Variants in IL3RA observed in about 807,000 individuals in gnomAD.
IL3RA encodes interleukin 3 receptor subunit alpha.
IL3RA carries 73 observed loss-of-function variants against 52.3 expected under a neutral mutation model. The ratio of observed to expected loss-of-function variants is 1.40; its 90% confidence interval spans 1.16 to 1.70. The LOEUF (loss-of-function observed/expected upper bound fraction) is 1.70. Ranked by LOEUF, IL3RA falls within the 40% of genes most tolerant of loss-of-function variation. The pLI, the probability that IL3RA is intolerant of heterozygous loss-of-function variation, is 0.00. For synonymous variants in IL3RA, 260 were observed against 194.0 expected (o/e 1.34, Z -2.83); for missense variants, 664 against 504.4 (o/e 1.32, Z -3.03).
chrX:1,355,617 C>A (rs1300634773), intron 6 of IL3RA, among the ~76,000 whole-genome samples: 1 of 149,186 alleles, frequency 6.7e-6, no homozygotes, highest in Non-Finnish European at 1.5e-5. Context: ...TGGAGGATGT[C>A]CTGGGCCACT....
intron 8 of IL3RA, among the ~76,000 whole-genome samples, chrX:1,362,281 TCCCTCTCTGTCTC>T (rs1195005127): frequency 2.0e-5 from 3 of 151,394 alleles, no homozygotes; most frequent in South Asian, 2.1e-4. Context: ...TTTTTCTCTT[TCCCTCTCTGTCTC>T]CCCTCTCTGT....
At chrX:1,366,702 G>T (rs1285245817) in intron 9 of IL3RA, among the ~76,000 whole-genome samples, 1 of 11,162 alleles carries the variant, frequency 9.0e-5, no homozygotes, top group Non-Finnish European at 1.4e-4. Flanking sequence ...CCGGGTGCGC[G>T]GGGTGAGCGG....
intron 6 of IL3RA, among the ~76,000 whole-genome samples, chrX:1,355,086 G>GAGA (rs2086564429): frequency 4.3e-5 from 3 of 69,018 alleles, no homozygotes; most frequent in South Asian, 6.2e-4. Context: ...GAAAAAGGAG[G>GAGA]GGCAGGAGGA....
At chrX:1,356,025 G>A (rs1449250174) in intron 6 of IL3RA, among the ~76,000 whole-genome samples, 196 bp from the exon 7 acceptor site, 3 of 152,022 alleles carry the variant, frequency 2.0e-5, no homozygotes, top group South Asian at 4.1e-4. Flanking sequence ...TCCTCCCAGT[G>A]CCCCCAACGC....
At chrX:1,362,808 C>G (rs2149097406) in intron 8 of IL3RA, among the ~76,000 whole-genome samples, 1 of 152,032 alleles carries the variant, frequency 6.6e-6, no homozygotes, top group East Asian at 1.9e-4. Context: ...CAGAGTCTCG[C>G]TCTGTCACCC....
Position 1,352,335 on chromosome X carries a change from T to C in IL3RA, c.445T>C (p.Tyr149His). The change falls in exon 6 of 12, where the codon TAC becomes CAC. Residue 149 changes from tyrosine to histidine, a missense_variant. Tyr to His is a moderately conservative substitution (Grantham distance 83). Transcript: ENST00000331035. ...YLNVANRRQQ[Y>H]ECLHYKTDAQ... ...CGCTTACCGCAGCAGGCGTCAACAG[T>C]ACGAGTGTCTTCACTACAAAACGGA... 6.2e-7 allele frequency: 1 copy of C among 1,613,844 alleles called. No individual in the cohort carries two copies. The highest frequency in any genetic ancestry group is 1.3e-5 in the African/African-American group (1 of 75,060).
chrX:1,362,498 C>G (rs372263114), intron 8 of IL3RA, among the ~76,000 whole-genome samples: 26 of 149,452 alleles, frequency 1.7e-4, no homozygotes, highest in African/African-American at 6.6e-4. Context: ...CCCACTATCT[C>G]TGTCTATGTC....
Position 1,348,467 on chromosome X carries a change from T to G in IL3RA, c.220T>G (p.Ser74Ala). ...NNSYCQFGAI[S>A]LCEVTNYTVR... ...TAGCTATTGCCAGTTTGGAGCAATT[T>G]CCTTATGTGAAGTGACCAACTACAC... Residue 74 changes from serine to alanine, a missense_variant, in exon 4 of 12, where the codon TCC (serine) becomes GCC (alanine). By Grantham distance (99) the Ser-to-Ala change is moderately conservative. Transcript: ENST00000331035. The G allele has an allele frequency of 6.2e-7, 1 of 1,613,900 alleles. No homozygotes were observed. Among genetic ancestry groups the G allele is most frequent in the Non-Finnish European group, 8.5e-7 (1 of 1,179,838 alleles).
chrX:1,368,436 T>G (rs1397926861), intron 9 of IL3RA, among the ~76,000 whole-genome samples: 1 of 150,578 alleles, frequency 6.6e-6, no homozygotes, highest in Non-Finnish European at 1.5e-5. Context: ...AATAGAAAAA[T>G]TAGGTCAGGT....
rs754323602 is a variant in IL3RA, at chrX:1,365,228, G to T, written c.850G>T (p.Ala284Ser). 1.8e-4 allele frequency: 293 copies of T among 1,610,764 alleles called. 3 individuals are homozygous for T. The South Asian group carries it at 3.0e-3, about 16-fold the overall frequency. The change falls in exon 9 of 12, where the codon GCC becomes TCC. Residue 284 changes from alanine to serine, a missense_variant. Ala to Ser is a moderately conservative substitution (Grantham distance 99, BLOSUM62 1). Coordinates refer to ENST00000331035, the MANE Select transcript of IL3RA (RefSeq NM_002183.4). ...ARERVYEFLSAWSTPQRFECD... is the reference protein window; with the variant it reads ...ARERVYEFLSSWSTPQRFECD... The stretch of plus-strand genomic sequence containing the variant: ...GGAAAGAGTGTATGAATTCTTGAGC[G>T]CCTGGAGCACCCCCCAGCGCTTCGG...
intron 4 of IL3RA, among the ~76,000 whole-genome samples, chrX:1,351,639 A>AT (rs1285299932): frequency 2.5e-5 from 3 of 122,410 alleles, no homozygotes; most frequent in Non-Finnish European, 5.1e-5. Context: ...TTGTTTTTTT[A>AT]TTTTTTTGAG....
chrX:1,344,729 T>C (rs780064490), intron 2 of IL3RA, among the ~76,000 whole-genome samples: 72 of 151,058 alleles, frequency 4.8e-4, no homozygotes, highest in South Asian at 3.6e-3. Context: ...GCTGAGATCG[T>C]GCCACTGCAC....
intron 1 of IL3RA, among the ~76,000 whole-genome samples, chrX:1,340,013 G>A (rs1282048596): frequency 6.6e-6 from 1 of 151,956 alleles, no homozygotes; most frequent in Non-Finnish European, 1.5e-5. Context: ...TGTCATCTGA[G>A]CTTCCTGGTG....
intron 9 of IL3RA, among the ~76,000 whole-genome samples, chrX:1,368,840 C>G (rs1235205341): frequency 2.3e-5 from 1 of 43,932 alleles, no homozygotes; most frequent in Non-Finnish European, 3.8e-5. Context: ...TCTAAGCCGC[C>G]CAGCCTCTGG....
chrX:1,352,244 C>T lies in IL3RA; in HGVS notation c.431+12C>T. ...TTGAACGTTGCCAAGTAGGTGTGCC[C>T]GTGGGCAGAGGCCGGGCTGTCCCTG... On this transcript the variant is annotated intron_variant, in intron 5 of 11. Coordinates refer to ENST00000331035, the MANE Select transcript of IL3RA (RefSeq NM_002183.4). The T allele has an allele frequency of 2.5e-6, 4 of 1,613,476 alleles. No homozygotes were observed. Among genetic ancestry groups the T allele is most frequent in the Non-Finnish European group, 3.4e-6 (4 of 1,179,618 alleles).
rs759924157 is a variant in IL3RA, at chrX:1,345,780, G to A, written c.183+346G>A. 1.2e-3 allele frequency among the ~76,000 whole-genome samples: 186 copies of A among 151,848 alleles called. 2 individuals carry two copies. The highest frequency in any genetic ancestry group is 4.2e-3 in the African/African-American group (175 of 41,326). ...GCTGGGATTACAGGCGCGAGTCACC[G>A]CGCATGGCCCAGACTCTCTAATGTT... On this transcript the variant is annotated intron_variant, in intron 3 of 11. Transcript: ENST00000331035.
chrX:1,352,111 T>G lies in IL3RA; in HGVS notation c.310T>G (p.Trp104Gly). The G allele has an allele frequency of 2.5e-6, 4 of 1,613,758 alleles. No homozygotes were observed. Among genetic ancestry groups the G allele is most frequent in the South Asian group, 1.1e-5 (1 of 91,072 alleles). The change falls in exon 5 of 12, where the codon TGG becomes GGG. Residue 104 changes from tryptophan (W) to glycine (G), a missense_variant. Transcript: ENST00000331035. ...ILFPENSGKP[W>G]AGAENLTCWI... Reference sequence around the variant, plus strand: ...GTTTGTGAACCCAGGTGGGAAGCCTTGGGCAGGTGCGGAGAATCTGACCTG... The same window carrying G: ...GTTTGTGAACCCAGGTGGGAAGCCTGGGGCAGGTGCGGAGAATCTGACCTG...
rs1603444064 is a variant in IL3RA at position 1,352,405 on chromosome X, G to C, written c.515G>C (p.Arg172Pro). 1.4e-5 allele frequency: 23 copies of C among 1,613,734 alleles called. No homozygotes were observed. The East Asian group carries it at 4.7e-4, about 33-fold the overall frequency. ...RIGCRFDDIS[R>P]LSSGSQSSHI... is the part of the protein sequence containing the mutation. ...GGGTGTCGTTTCGATGACATCTCTC[G>C]ACTCTCCAGCGGTTCTCAAAGTTCC... is the stretch of plus-strand genomic sequence containing the variant. Residue 172 changes from arginine (R) to proline (P), a missense_variant, in exon 6 of 12, where the codon CGA becomes CCA. Physicochemically the swap from Arg to Pro is moderately radical, Grantham distance 103. Transcript: ENST00000331035.
chrX:1,380,876 C>T (rs773543121), intron 10 of IL3RA, 147 bp from the exon 11 acceptor site: 10 of 719,576 alleles, frequency 1.4e-5, no homozygotes, highest in African/African-American at 3.5e-5. Flanking sequence ...GTCAGGGCCT[C>T]AGGGGCCGGG....
Sources: gnomAD v4.1 joint callset for allele counts (sites outside exome capture counted in the v4.1 genomes callset) on GRCh38, gnomAD v4.1.1 for gene constraint, MANE v1.5 for transcripts, NCBI Gene and HGNC (gene_info 2026-07-23, HGNC 2026-07-21) for gene names.